The following DOCK7 variants were observed in gnomAD, a reference collection of about 807,000 sequenced individuals.
DOCK7 encodes dedicator of cytokinesis protein 7.
DOCK7 carries 138 observed loss-of-function variants against 271.0 expected under a neutral mutation model. The observed-to-expected ratio is 0.51, with a 90% CI of 0.44 to 0.59. The LOEUF (loss-of-function observed/expected upper bound fraction) is 0.59. Ranked by LOEUF, DOCK7 falls within the 20% of genes least tolerant of loss-of-function variation. The probability of loss-of-function intolerance (pLI) is 0.00; values close to 1 mark genes in which losing one functional copy is unlikely to be tolerated. For missense variants in DOCK7, 2,066 were observed against 2,592.4 expected, an observed-to-expected ratio of 0.80 and a Z score of 4.41; for synonymous variants, 823 against 876.1, an observed-to-expected ratio of 0.94 and a Z score of 1.07.
chr1:62,631,046 G>C (rs978276978), intron 11 of DOCK7, among the ~76,000 whole-genome samples, 194 bp downstream of exon 11: 1 of 151,890 alleles, frequency 6.6e-6, no homozygotes, highest in Admixed American at 6.6e-5. Context: ...TTAGCCAGGC[G>C]TGGTGGCGCA....
At chr1:62,461,280 G>A (rs953198039) in intron 48 of DOCK7, among the ~76,000 whole-genome samples, 1 of 151,982 alleles carries the variant, frequency 6.6e-6, no homozygotes, top group African/African-American at 2.4e-5. Context: ...AGATTCTACA[G>A]ATAAATTATT....
chr1:62,569,477 A>C (rs955548240), intron 18 of DOCK7, among the ~76,000 whole-genome samples: 2 of 152,126 alleles, frequency 1.3e-5, no homozygotes, highest in Admixed American at 6.6e-5. Context: ...ACAGAACTAA[A>C]GACAAAAACC....
intron 14 of DOCK7, among the ~76,000 whole-genome samples, chr1:62,613,745 T>C (rs1652095730): frequency 6.6e-6 from 1 of 152,160 alleles, no homozygotes; most frequent in Non-Finnish European, 1.5e-5. Flanking sequence ...CCTATATTCA[T>C]GCAGTTTTTA....
chr1:62,562,008 A>G (rs1460948075), intron 18 of DOCK7, among the ~76,000 whole-genome samples: 1 of 151,752 alleles, frequency 6.6e-6, no homozygotes, highest in Non-Finnish European at 1.5e-5. Context: ...GTACATATAT[A>G]TGTACATATA....
intron 18 of DOCK7, among the ~76,000 whole-genome samples, chr1:62,565,512 C>A (rs1379923262): frequency 2.0e-5 from 3 of 152,186 alleles, no homozygotes; most frequent in Middle Eastern, 3.4e-3. Context: ...ATTCAACACC[C>A]CTTCATGCTA....
At chr1:62,626,131 T>TA (rs1190345596) in intron 11 of DOCK7, among the ~76,000 whole-genome samples, 1 of 152,180 alleles carries the variant, frequency 6.6e-6, no homozygotes, top group Admixed American at 6.5e-5. Context: ...ATAGCCCATT[T>TA]AAAAAATAGC....
At chr1:62,622,381 C>T (rs1328495300) in intron 12 of DOCK7, among the ~76,000 whole-genome samples, 1 of 152,060 alleles carries the variant, frequency 6.6e-6, no homozygotes, top group Non-Finnish European at 1.5e-5. Context: ...CAAATGTCTT[C>T]AAAACTATTG....
At chr1:62,599,455 G>A (rs757668239) in intron 14 of DOCK7, among the ~76,000 whole-genome samples, 20 of 151,852 alleles carry the variant, frequency 1.3e-4, no homozygotes, top group Non-Finnish European at 2.7e-4. Context: ...AATCACAACC[G>A]CCTGGTCCCA....
intron 45 of DOCK7, 59 bp downstream of exon 45, chr1:62,476,008 A>C: frequency 6.2e-7 from 1 of 1,602,320 alleles, no homozygotes; most frequent in Non-Finnish European, 8.5e-7. Flanking sequence ...TCTCAAACAA[A>C]ATTGCACAGA....
intron 14 of DOCK7, among the ~76,000 whole-genome samples, chr1:62,617,782 T>C (rs1652637136): frequency 6.6e-6 from 1 of 152,046 alleles, no homozygotes; most frequent in Non-Finnish European, 1.5e-5. Context: ...TGGTTCCCAT[T>C]ATATTTCTGT....
At chr1:62,570,618 A>G (rs1296202039) in intron 18 of DOCK7, among the ~76,000 whole-genome samples, 1 of 152,200 alleles carries the variant, frequency 6.6e-6, no homozygotes, top group Non-Finnish European at 1.5e-5. Flanking sequence ...AACAAAAAGA[A>G]CAAACCTGGA....
At chr1:62,525,101 G>A (rs1457363949) in intron 31 of DOCK7, among the ~76,000 whole-genome samples, 2 of 151,314 alleles carry the variant, frequency 1.3e-5, no homozygotes, top group East Asian at 3.9e-4. Context: ...CACCTCCCAG[G>A]TTCAAGTGAT....
chr1:62,662,978 G>A lies in DOCK7; in HGVS notation c.144+47C>T, dbSNP rs778232112. On this transcript the variant is annotated intron_variant, in intron 2 of 49. Coordinates refer to ENST00000635253, the MANE Select transcript of DOCK7 (RefSeq NM_001367561.1). ...CTTTCCACTATTTTTTCATGGCCTA[G>A]TCAATCATACACCAAGAAGAGACTA... is the stretch of plus-strand genomic sequence containing the variant. The A allele has an allele frequency of 3.4e-6, 5 of 1,454,710 alleles. No homozygotes were observed. In the South Asian group the frequency reaches 4.8e-5, roughly 14 times the overall value. The allele number at this position is 1,454,710 out of a possible 1,614,324, so 90.1% of individuals were successfully genotyped here. A position where few individuals can be genotyped will look rare whatever the true frequency, so the allele number is the denominator to read the frequency against.
intron 14 of DOCK7, chr1:62,604,652 T>C (rs763799677): frequency 1.9e-6 from 3 of 1,613,148 alleles, no homozygotes; most frequent in South Asian, 1.1e-5. Flanking sequence ...GGTGGCATGA[T>C]GAGTGTGGAG....
rs540682668 is a variant in DOCK7 at position 62,464,637 on chromosome 1, G to A, written c.6213-6932C>T. Among the ~76,000 whole-genome samples, 66 of 151,804 alleles carry A rather than the reference G, an allele frequency of 4.3e-4. No homozygotes were observed. In the South Asian group the frequency reaches 9.4e-3, roughly 22 times the overall value. On this transcript the variant is annotated intron_variant, in intron 48 of 49. Transcript: ENST00000635253. Reference sequence around the variant, plus strand: ...GTAGAGGTTGCAGTAAGCCGAGATCGCGCCACTGCACTCCAGCCTGGGTGA... The same window carrying A: ...GTAGAGGTTGCAGTAAGCCGAGATCACGCCACTGCACTCCAGCCTGGGTGA...
intron 18 of DOCK7, among the ~76,000 whole-genome samples, chr1:62,573,063 CAG>C (rs1464943253): frequency 5.3e-5 from 8 of 152,122 alleles, no homozygotes; most frequent in Admixed American, 4.6e-4. Context: ...GTAAATAAAA[CAG>C]AATTAAAAAG....
chr1:62,678,650 G>C (rs1178012852), intron 1 of DOCK7, among the ~76,000 whole-genome samples: 3 of 152,078 alleles, frequency 2.0e-5, no homozygotes, highest in Admixed American at 2.0e-4. Flanking sequence ...TTTGTCTTTG[G>C]TAGATTCTAA....
intron 10 of DOCK7, among the ~76,000 whole-genome samples, chr1:62,633,295 AG>A (rs1372300817): frequency 6.6e-6 from 1 of 152,208 alleles, no homozygotes; most frequent in East Asian, 1.9e-4. Flanking sequence ...GACACAGGCT[AG>A]GTGACAAATT....
chr1:62,572,812 T>C (rs1646827420), intron 18 of DOCK7, among the ~76,000 whole-genome samples: 1 of 152,162 alleles, frequency 6.6e-6, no homozygotes, highest in Non-Finnish European at 1.5e-5. Context: ...AACAATCTGT[T>C]CCATAGCAGA....
Sources: allele counts gnomAD v4.1 joint callset (sites outside exome capture counted in the v4.1 genomes callset), GRCh38; gene constraint gnomAD v4.1.1; transcripts MANE v1.5; gene names NCBI Gene and HGNC (gene_info 2026-07-23, HGNC 2026-07-21).